ZBTB7C: variants seen among roughly 807,000 people sequenced by gnomAD.
The protein encoded by ZBTB7C is zinc finger and BTB domain containing 7C.
In ZBTB7C, 8 loss-of-function variants were observed where a neutral mutation model predicts 25.7. The observed-to-expected ratio is 0.31, with a 90% CI of 0.18 to 0.56. The LOEUF is 0.56. Ranked by LOEUF, ZBTB7C falls within the 20% of genes least tolerant of loss-of-function variation. The pLI, the probability that ZBTB7C is intolerant of heterozygous loss-of-function variation, is 0.91. For missense variants in ZBTB7C, 824 were observed against 855.2 expected, an observed-to-expected ratio of 0.96 and a Z score of 0.46; for synonymous variants, 394 against 369.0, an observed-to-expected ratio of 1.07 and a Z score of -0.78.
At chr18:48,299,684 G>A (rs12454389) in intron 2 of ZBTB7C, among the ~76,000 whole-genome samples, 37,237 of 152,138 alleles carry the variant, frequency 0.24, 5,583 homozygotes, top group East Asian at 0.72. Flanking sequence ...AAACAGCCAG[G>A]GGAAAGGGAG....
chr18:48,277,811 C>G (rs2044710679), intron 2 of ZBTB7C, among the ~76,000 whole-genome samples: 1 of 151,562 alleles, frequency 6.6e-6, no homozygotes, highest in South Asian at 2.1e-4. Flanking sequence ...GATTCATCAT[C>G]TATAGCCACA....
chr18:48,382,885 T>C (rs2047664062), intron 1 of ZBTB7C, among the ~76,000 whole-genome samples: 1 of 152,196 alleles, frequency 6.6e-6, no homozygotes, highest in Non-Finnish European at 1.5e-5. Context: ...TAACATTCGT[T>C]TTCCCCTTCT....
chr18:48,391,484 T>A (rs142438907), intron 1 of ZBTB7C, among the ~76,000 whole-genome samples: 1 of 152,058 alleles, frequency 6.6e-6, no homozygotes, highest in South Asian at 2.1e-4. Context: ...ATGTTTGATA[T>A]GCAAGTCAGT....
chr18:48,315,672 C>T (rs897873653), intron 2 of ZBTB7C, among the ~76,000 whole-genome samples: 1 of 152,124 alleles, frequency 6.6e-6, no homozygotes, highest in Admixed American at 6.5e-5. Flanking sequence ...AGGGTGGCTC[C>T]TCATGGGCGT....
intron 3 of ZBTB7C, among the ~76,000 whole-genome samples, chr18:48,093,608 TA>T (rs975594615): frequency 2.1e-5 from 3 of 142,030 alleles, no homozygotes; most frequent in South Asian, 2.2e-4. Flanking sequence ...CAGCAGTGAT[TA>T]AAAAAAAACA....
At chr18:48,058,640 C>G (rs1022324092) in intron 3 of ZBTB7C, among the ~76,000 whole-genome samples, 1 of 152,232 alleles carries the variant, frequency 6.6e-6, no homozygotes, top group Non-Finnish European at 1.5e-5. Flanking sequence ...TCCGGAATGG[C>G]TCCCAAGGAT....
At chr18:48,307,158 C>G (rs16949059) in intron 2 of ZBTB7C, among the ~76,000 whole-genome samples, 17,583 of 152,188 alleles carry the variant, frequency 0.12, 1,142 homozygotes, top group Middle Eastern at 0.19. Flanking sequence ...ACAAACTCGA[C>G]TTGGGGCAGA....
chr18:48,311,152 G>C (rs1254591461), intron 2 of ZBTB7C, among the ~76,000 whole-genome samples: 1 of 152,034 alleles, frequency 6.6e-6, no homozygotes, highest in African/African-American at 2.4e-5. Flanking sequence ...TGTTCCCATA[G>C]CACCATCTGC....
In ZBTB7C at chr18:48,305,211, G is replaced by C. The variant is rs980915931; in HGVS notation, c.-79+32963C>G. On this transcript the variant is annotated intron_variant, in intron 2 of 4. Coordinates refer to ENST00000590800, the MANE Select transcript of ZBTB7C (RefSeq NM_001318841.2). ...AATTGCTTTGAGGACATAAAGTGGGGAACAATTTGAAATCCGTGTAATTAT... is the reference window on the plus strand; with the variant it reads ...AATTGCTTTGAGGACATAAAGTGGGCAACAATTTGAAATCCGTGTAATTAT... Among the ~76,000 whole-genome samples, 14 of 152,328 alleles carry C rather than the reference G, an allele frequency of 9.2e-5. No individual in the cohort carries two copies. The East Asian group carries it at 2.5e-3, about 27-fold the overall frequency.
chr18:48,352,804 G>A (rs2046894574), intron 1 of ZBTB7C, among the ~76,000 whole-genome samples: 1 of 152,170 alleles, frequency 6.6e-6, no homozygotes, highest in African/African-American at 2.4e-5. Context: ...CAAGGTTGGA[G>A]GTGAGCTGAA....
chr18:48,403,234 A>G (rs560456696), intron 1 of ZBTB7C, among the ~76,000 whole-genome samples: 1 of 152,382 alleles, frequency 6.6e-6, no homozygotes, highest in South Asian at 2.1e-4. Flanking sequence ...GAGGAACTCC[A>G]GTCCTGGAGG....
intron 3 of ZBTB7C, among the ~76,000 whole-genome samples, chr18:48,060,330 T>A (rs926411655): frequency 3.3e-5 from 5 of 152,130 alleles, no homozygotes; most frequent in Non-Finnish European, 7.4e-5. Flanking sequence ...GGGATGGGGA[T>A]GGCCACCCTT....
intron 1 of ZBTB7C, among the ~76,000 whole-genome samples, chr18:48,389,072 T>A (rs1466036360): frequency 2.0e-5 from 3 of 152,212 alleles, no homozygotes. Flanking sequence ...ACTTTCTAAA[T>A]AATTGCCCTG....
intron 1 of ZBTB7C, among the ~76,000 whole-genome samples, chr18:48,406,988 T>C (rs2048297845): frequency 1.3e-5 from 2 of 152,270 alleles, no homozygotes; most frequent in African/African-American, 4.8e-5. Context: ...CAACTCGTAG[T>C]TCTTTTTTAA....
chr18:48,351,421 G>A (rs1000201722), intron 1 of ZBTB7C, among the ~76,000 whole-genome samples: 1 of 152,144 alleles, frequency 6.6e-6, no homozygotes, highest in Admixed American at 6.5e-5. Flanking sequence ...GTCTCAACCA[G>A]CAAACTTCTC....
chr18:48,214,836 C>T (rs375951156), intron 2 of ZBTB7C, among the ~76,000 whole-genome samples: 1 of 152,180 alleles, frequency 6.6e-6, no homozygotes, highest in Admixed American at 6.5e-5. Flanking sequence ...ACTCATCCAT[C>T]AGTGAACACT....
At chr18:48,349,295 T>C (rs2046810603) in intron 1 of ZBTB7C, among the ~76,000 whole-genome samples, 1 of 152,208 alleles carries the variant, frequency 6.6e-6, no homozygotes, top group South Asian at 2.1e-4. Flanking sequence ...AGAAGAGCAA[T>C]GATAAATTTT....
chr18:48,124,557 G>A (rs184672038), intron 3 of ZBTB7C, among the ~76,000 whole-genome samples: 1 of 152,324 alleles, frequency 6.6e-6, no homozygotes, highest in African/African-American at 2.4e-5. Flanking sequence ...TGTTCTGTGA[G>A]GATTACTAGG....
At chr18:48,285,904 G>T (rs555475683) in intron 2 of ZBTB7C, among the ~76,000 whole-genome samples, 1 of 152,244 alleles carries the variant, frequency 6.6e-6, no homozygotes, top group South Asian at 2.1e-4. Flanking sequence ...CTGGGCTGAT[G>T]ACTAGAGTGT....
Sources: gnomAD v4.1 joint callset for allele counts (sites outside exome capture counted in the v4.1 genomes callset) on GRCh38, gnomAD v4.1.1 for gene constraint, MANE v1.5 for transcripts, NCBI Gene and HGNC (gene_info 2026-07-23, HGNC 2026-07-21) for gene names.